KLHL29: variants seen among roughly 807,000 people sequenced by gnomAD.
The protein encoded by KLHL29 is kelch-like protein 29.
A neutral mutation model predicts 80.4 loss-of-function variants in KLHL29; 21 were observed. That is an observed-to-expected ratio of 0.26 (90% CI 0.19 to 0.38). The LOEUF (loss-of-function observed/expected upper bound fraction) is 0.38, where lower values mean the gene tolerates loss of function less well. KLHL29 is among the 10% of genes least tolerant of loss of function. The pLI is 1.00. For synonymous variants in KLHL29, 511 were observed against 526.8 expected (o/e 0.97, Z 0.41); for missense variants, 867 against 1,223.9 (o/e 0.71, Z 4.35).
chr2:23,603,644 C>T (rs1001963909), intron 3 of KLHL29, among the ~76,000 whole-genome samples: 6 of 152,308 alleles, frequency 3.9e-5, no homozygotes, highest in South Asian at 2.1e-4. Context: ...TACCCTTCCT[C>T]GGGTGCTGGA....
chr2:23,480,474 C>A (rs13407541), intron 2 of KLHL29, among the ~76,000 whole-genome samples: 40,323 of 143,408 alleles, frequency 0.28, 5,546 homozygotes, highest in East Asian at 0.37. Flanking sequence ...TAGGTGACAG[C>A]GGAAGATTCT....
chr2:23,423,591 C>T (rs941214181), intron 1 of KLHL29, among the ~76,000 whole-genome samples: 4 of 152,206 alleles, frequency 2.6e-5, no homozygotes, highest in Admixed American at 1.3e-4. Flanking sequence ...CATTCCCCTA[C>T]GACTTGGCGG....
At chr2:23,586,391 G>A (rs555327278) in intron 3 of KLHL29, among the ~76,000 whole-genome samples, 11 of 123,294 alleles carry the variant, frequency 8.9e-5, no homozygotes, top group South Asian at 7.5e-4. Flanking sequence ...TTTTTGAGAC[G>A]GACTCTTGTC....
At chr2:23,570,189 T>G (rs1667684633) in intron 3 of KLHL29, among the ~76,000 whole-genome samples, 1 of 152,244 alleles carries the variant, frequency 6.6e-6, no homozygotes. Context: ...GGCATCTGTA[T>G]GCACTCAGAG....
intron 5 of KLHL29, among the ~76,000 whole-genome samples, chr2:23,662,072 T>C (rs559464241): frequency 4.9e-4 from 75 of 152,222 alleles, no homozygotes; most frequent in African/African-American, 1.7e-3. Context: ...CTCCAGGTGC[T>C]CCGTAGGCAT....
chr2:23,628,681 A>G (rs1669386642), intron 3 of KLHL29, among the ~76,000 whole-genome samples: 1 of 152,236 alleles, frequency 6.6e-6, no homozygotes, highest in African/African-American at 2.4e-5. Context: ...TTGGGTGTTC[A>G]GACTGTAGTC....
At chr2:23,582,342 T>C (rs889961269) in intron 3 of KLHL29, among the ~76,000 whole-genome samples, 1 of 152,244 alleles carries the variant, frequency 6.6e-6, no homozygotes, top group Non-Finnish European at 1.5e-5. Context: ...AAATGACAGA[T>C]TGGCTATTAA....
intron 6 of KLHL29, among the ~76,000 whole-genome samples, chr2:23,686,858 C>T (rs1232873247): frequency 1.3e-5 from 2 of 152,134 alleles, no homozygotes; most frequent in Admixed American, 6.5e-5. Context: ...AAGCCAAGCC[C>T]AGGGTGCCCT....
chr2:23,639,366 C>G, intron 4 of KLHL29, 86 bp downstream of exon 4: 1 of 1,371,696 alleles, frequency 7.3e-7, no homozygotes, highest in Non-Finnish European at 9.9e-7. Context: ...AACTCCTGCA[C>G]AGCAGGTCTT....
chr2:23,427,893 G>T (rs1663049000), intron 1 of KLHL29, among the ~76,000 whole-genome samples: 1 of 152,132 alleles, frequency 6.6e-6, no homozygotes, highest in Admixed American at 6.5e-5. Flanking sequence ...CTGTCTGTTT[G>T]CCCATCTTCC....
intron 1 of KLHL29, among the ~76,000 whole-genome samples, chr2:23,417,206 T>A (rs142179010): frequency 1.2e-4 from 19 of 152,250 alleles, no homozygotes; most frequent in African/African-American, 4.6e-4. Flanking sequence ...GACAGCAACC[T>A]TTTAACTCAT....
chr2:23,536,959 C>T (rs1433982055), intron 2 of KLHL29, among the ~76,000 whole-genome samples: 1 of 151,868 alleles, frequency 6.6e-6, no homozygotes, highest in Non-Finnish European at 1.5e-5. Flanking sequence ...CTCCCTCTCT[C>T]GCTCTCTCTC....
chr2:23,526,168 T>C (rs964441458), intron 2 of KLHL29, among the ~76,000 whole-genome samples: 14 of 152,346 alleles, frequency 9.2e-5, no homozygotes, highest in African/African-American at 3.4e-4. Context: ...CTGGAGCCTT[T>C]GTTCTAGAGG....
chr2:23,626,741 C>T (rs1558414048), intron 3 of KLHL29, among the ~76,000 whole-genome samples: 1 of 152,226 alleles, frequency 6.6e-6, no homozygotes, highest in South Asian at 2.1e-4. Flanking sequence ...GATGACGCCC[C>T]TGCAGGCGAT....
chr2:23,394,164 G>A (rs180971144), intron 1 of KLHL29, among the ~76,000 whole-genome samples: 1 of 152,326 alleles, frequency 6.6e-6, no homozygotes, highest in Non-Finnish European at 1.5e-5. Flanking sequence ...GAAGAGCGGT[G>A]AAATTGGGAT....
chr2:23,497,297 T>C (rs764070054), intron 2 of KLHL29, among the ~76,000 whole-genome samples: 81 of 152,202 alleles, frequency 5.3e-4, no homozygotes, highest in Non-Finnish European at 5.4e-4. Flanking sequence ...TGGCTGCCCA[T>C]GTGGTTCTCT....
chr2:23,427,795 T>C lies in KLHL29; in HGVS notation c.-154+42015T>C, dbSNP rs542507839. 7.9e-5 allele frequency among the ~76,000 whole-genome samples: 12 copies of C among 152,262 alleles called. No homozygotes were observed. In the East Asian group the frequency reaches 2.3e-3, roughly 29 times the overall value. ...ATGAGCAAGGTCCTTGATGTCAGTT[T>C]TGTGACATATTTTTAAACACTGGAA... is the stretch of plus-strand genomic sequence containing the variant. On this transcript the variant is annotated intron_variant, in intron 1 of 13. Transcript: ENST00000486442.
intron 1 of KLHL29, among the ~76,000 whole-genome samples, chr2:23,410,340 G>A (rs1268457195): frequency 6.6e-6 from 1 of 151,030 alleles, no homozygotes; most frequent in Non-Finnish European, 1.5e-5. Flanking sequence ...GGGGTGGGGG[G>A]TTCGAGGGTG....
chr2:23,547,335 A>G (rs182023347), intron 2 of KLHL29, among the ~76,000 whole-genome samples: 121 of 152,324 alleles, frequency 7.9e-4, no homozygotes, highest in Non-Finnish European at 1.5e-3. Context: ...TGGACCAGAT[A>G]TGATAAGAGT....
Sources: allele counts gnomAD v4.1 joint callset (sites outside exome capture counted in the v4.1 genomes callset), GRCh38; gene constraint gnomAD v4.1.1; transcripts MANE v1.5; gene names NCBI Gene and HGNC (gene_info 2026-07-23, HGNC 2026-07-21).